SEMA3E: variants seen among roughly 807,000 people sequenced by gnomAD.
SEMA3E encodes semaphorin 3E.
SEMA3E carries 49 observed loss-of-function variants against 93.6 expected under a neutral mutation model. That is an observed-to-expected ratio of 0.52 (90% CI 0.42 to 0.66). The LOEUF (loss-of-function observed/expected upper bound fraction) is 0.66, where lower values mean the gene tolerates loss of function less well. SEMA3E is among the 30% of genes least tolerant of loss of function. SEMA3E has a pLI of 0.00. For synonymous variants in SEMA3E, 363 were observed against 330.7 expected, an observed-to-expected ratio of 1.10 and a Z score of -1.06; for missense variants, 906 against 964.8, an observed-to-expected ratio of 0.94 and a Z score of 0.81.
At chr7:83,427,949 C>T (rs867589806) in intron 4 of SEMA3E, among the ~76,000 whole-genome samples, 32 of 152,254 alleles carry the variant, frequency 2.1e-4, no homozygotes, top group African/African-American at 7.2e-4. Flanking sequence ...AAAGGCATTC[C>T]CAGCATTAAC....
At chr7:83,598,135 G>A (rs1411373916) in intron 1 of SEMA3E, among the ~76,000 whole-genome samples, 2 of 152,130 alleles carry the variant, frequency 1.3e-5, no homozygotes, top group Admixed American at 6.6e-5. Context: ...GAGAGTTGTG[G>A]TAGTTGGCTC....
intron 5 of SEMA3E, among the ~76,000 whole-genome samples, chr7:83,409,084 A>G (rs991270660): frequency 6.6e-6 from 1 of 152,214 alleles, no homozygotes; most frequent in Admixed American, 6.6e-5. Flanking sequence ...AAAAGCGCTC[A>G]AAATTTAATC....
intron 1 of SEMA3E, among the ~76,000 whole-genome samples, chr7:83,600,925 T>C (rs112655237): frequency 4.6e-5 from 7 of 152,318 alleles, no homozygotes; most frequent in African/African-American, 1.7e-4. Context: ...GAATATGTTA[T>C]GGCAAAAGAG....
intron 2 of SEMA3E, among the ~76,000 whole-genome samples, chr7:83,486,075 G>A (rs1790245802): frequency 6.6e-6 from 1 of 152,064 alleles, no homozygotes. Context: ...TTAAGAGAGT[G>A]TCTCACTGTG....
At chr7:83,587,477 A>G (rs1008172115) in intron 1 of SEMA3E, among the ~76,000 whole-genome samples, 1 of 152,198 alleles carries the variant, frequency 6.6e-6, no homozygotes, top group African/African-American at 2.4e-5. Flanking sequence ...GAAGTCATCA[A>G]GTTGGTCTTA....
chr7:83,591,159 T>C (rs962976727), intron 1 of SEMA3E, among the ~76,000 whole-genome samples: 1 of 150,776 alleles, frequency 6.6e-6, no homozygotes, highest in Non-Finnish European at 1.5e-5. Flanking sequence ...AAGTAAATGT[T>C]TAGTTTTACT....
chr7:83,394,465 C>A, intron 12 of SEMA3E, 127 bp from the exon 13 acceptor site: 1 of 758,218 alleles, frequency 1.3e-6, no homozygotes. Flanking sequence ...GTATAGCTTT[C>A]ATTTTAGTAA....
At chr7:83,611,206 T>G (rs1793246760) in intron 1 of SEMA3E, among the ~76,000 whole-genome samples, 1 of 148,352 alleles carries the variant, frequency 6.7e-6, no homozygotes, top group African/African-American at 2.5e-5. Flanking sequence ...AGCTCCCCTT[T>G]TGCATCATCA....
chr7:83,415,680 G>A (rs751417289), intron 5 of SEMA3E, among the ~76,000 whole-genome samples: 8 of 151,930 alleles, frequency 5.3e-5, no homozygotes, highest in Non-Finnish European at 1.0e-4. Context: ...AATTAAAATT[G>A]TATCTAAAAT....
At chr7:83,520,202 T>G (rs914309599) in intron 1 of SEMA3E, among the ~76,000 whole-genome samples, 1 of 152,120 alleles carries the variant, frequency 6.6e-6, no homozygotes, top group African/African-American at 2.4e-5. Flanking sequence ...TATTACTCAA[T>G]GAATTTACAT....
chr7:83,511,968 TG>T (rs1790832717), intron 1 of SEMA3E, among the ~76,000 whole-genome samples: 7 of 152,278 alleles, frequency 4.6e-5, no homozygotes, highest in African/African-American at 1.7e-4. Flanking sequence ...TTGCAACATA[TG>T]AAAAGTATTT....
At chr7:83,594,326 A>G (rs1165345086) in intron 1 of SEMA3E, among the ~76,000 whole-genome samples, 2 of 152,158 alleles carry the variant, frequency 1.3e-5, no homozygotes, top group African/African-American at 4.8e-5. Flanking sequence ...TGAATTTTCA[A>G]ATGAAATTAC....
At chr7:83,609,975 G>A (rs536444409) in intron 1 of SEMA3E, among the ~76,000 whole-genome samples, 22 of 151,866 alleles carry the variant, frequency 1.4e-4, no homozygotes, top group South Asian at 6.2e-4. Context: ...GAAATTAAAC[G>A]AAATACAGTA....
At position 83,621,811 on chromosome 7, in the gene SEMA3E, C is replaced by A. The variant is rs138701523; in HGVS notation, c.115+26617G>T. Among the ~76,000 whole-genome samples the A allele has an allele frequency of 2.7e-3, 409 of 152,094 alleles. 2 individuals are homozygous for A. The highest frequency in any genetic ancestry group is 9.1e-3 in the African/African-American group (379 of 41,480). On this transcript the variant is annotated intron_variant, in intron 1 of 16. Transcript: ENST00000643230. ...CATATGCAGAAAACTGAAACTGGAC[C>A]CCTTCCTTACACGTTATACAAAGAT...
chr7:83,582,708 T>A (rs965240508), intron 1 of SEMA3E, among the ~76,000 whole-genome samples: 4 of 152,270 alleles, frequency 2.6e-5, no homozygotes, highest in African/African-American at 4.8e-5. Flanking sequence ...ATAGGAATTA[T>A]GGCTAATCTC....
intron 1 of SEMA3E, among the ~76,000 whole-genome samples, chr7:83,508,263 CTTTTTTTTTT>C (rs1030827840): frequency 7.2e-6 from 1 of 138,714 alleles, no homozygotes; most frequent in African/African-American, 2.6e-5. Context: ...TTTTCTTTTT[CTTTTTTTTTT>C]TTTTTGAAGA....
At chr7:83,424,859 A>C (rs527731564) in intron 4 of SEMA3E, 8 of 244,286 alleles carry the variant, frequency 3.3e-5, no homozygotes, top group South Asian at 6.2e-5. Flanking sequence ...CTTGCTTTGA[A>C]GATGGAGGAA....
Position 83,490,340 on chromosome 7 carries a change from C to T in SEMA3E, c.116-66G>A, listed in dbSNP as rs566449133. 1.8e-3 allele frequency: 2,709 copies of T among 1,518,602 alleles called. 1 individual carries two copies. Among genetic ancestry groups the T allele is most frequent in the Non-Finnish European group, 2.3e-3 (2,503 of 1,111,114 alleles). The allele number at this position is 1,518,602 out of a possible 1,614,324, so 94.1% of individuals were successfully genotyped here. A position where few individuals can be genotyped will look rare whatever the true frequency, so the allele number is the denominator to read the frequency against. ...ATGTAAATACCTTTATCACCCTTTTCTCATAGCTCTGTTTTCATCCCTATT... is the reference window on the plus strand; with the variant it reads ...ATGTAAATACCTTTATCACCCTTTTTTCATAGCTCTGTTTTCATCCCTATT... On this transcript the variant is annotated intron_variant, in intron 1 of 16. Transcript: ENST00000643230.
At chr7:83,410,895 A>G (rs371775918) in intron 5 of SEMA3E, among the ~76,000 whole-genome samples, 10 of 152,234 alleles carry the variant, frequency 6.6e-5, no homozygotes, top group African/African-American at 7.2e-5. Flanking sequence ...TGAAAATATA[A>G]TTTATTTCGC....
Sources: gnomAD v4.1 joint callset for allele counts (sites outside exome capture counted in the v4.1 genomes callset) on GRCh38, gnomAD v4.1.1 for gene constraint, MANE v1.5 for transcripts, NCBI Gene and HGNC (gene_info 2026-07-23, HGNC 2026-07-21) for gene names.